Variants in DYM observed in about 807,000 individuals in gnomAD.
DYM encodes the protein dymeclin.
DYM carries 78 observed loss-of-function variants against 93.1 expected under a neutral mutation model. That is an observed-to-expected ratio of 0.84 (90% CI 0.70 to 1.01). The LOEUF is 1.01. Among genes scored for constraint, DYM ranks in the 50% least tolerant of loss-of-function variants. DYM has a pLI of 0.00. For missense variants in DYM, 789 were observed against 845.0 expected (o/e 0.93, Z 0.82); for synonymous variants, 321 against 319.7 (o/e 1.00, Z -0.04).
intron 1 of DYM, among the ~76,000 whole-genome samples, chr18:49,453,747 C>G (rs74987443): frequency 1.3e-5 from 2 of 152,094 alleles, no homozygotes; most frequent in Non-Finnish European, 2.9e-5. Flanking sequence ...AAAGGAAGCA[C>G]GAAAGTTTTA....
At chr18:49,296,440 A>G (rs1179586494) in intron 8 of DYM, among the ~76,000 whole-genome samples, 1 of 152,204 alleles carries the variant, frequency 6.6e-6, no homozygotes, top group Non-Finnish European at 1.5e-5. Flanking sequence ...AGCAAAGTAC[A>G]AAAAACTGGA....
chr18:49,087,552 T>G (rs2078657008), intron 17 of DYM, among the ~76,000 whole-genome samples: 1 of 152,214 alleles, frequency 6.6e-6, no homozygotes, highest in African/African-American at 2.4e-5. Flanking sequence ...ATTAAGCCAT[T>G]GTATGTTTAC....
intron 10 of DYM, among the ~76,000 whole-genome samples, chr18:49,280,577 T>C (rs554148411): frequency 6.6e-6 from 1 of 152,230 alleles, no homozygotes; most frequent in African/African-American, 2.4e-5. Flanking sequence ...CGTGTGGCTG[T>C]TAAAGACTAT....
intron 14 of DYM, among the ~76,000 whole-genome samples, chr18:49,196,738 C>T (rs557028941): frequency 6.6e-6 from 1 of 152,024 alleles, no homozygotes; most frequent in Non-Finnish European, 1.5e-5. Flanking sequence ...AATGTAGCAT[C>T]CTAAGGGCAA....
chr18:49,183,943 G>C (rs1177490330), intron 14 of DYM, among the ~76,000 whole-genome samples: 1 of 152,190 alleles, frequency 6.6e-6, no homozygotes, highest in African/African-American at 2.4e-5. Context: ...AACACGCAGT[G>C]AGAAGGCAGC....
chr18:49,333,794 C>T lies in DYM; in HGVS notation c.554G>A (p.Cys185Tyr). 1 of 1,613,584 alleles carries T rather than the reference C, an allele frequency of 6.2e-7. No homozygotes were observed. The highest frequency in any genetic ancestry group is 2.2e-5 in the East Asian group (1 of 44,866). ...CAAAACTTCTTTGTGGAAGAGTTGG[C>T]AGGAAAGGAAAACAACCATTGTTGA... ...AISTMVVFLS[C>Y]QLFHKEVLRQ... The change falls in exon 7 of 18, where the codon TGC becomes TAC. Residue 185 changes from cysteine to tyrosine, a missense_variant. Coordinates refer to ENST00000675505, the MANE Select transcript of DYM (RefSeq NM_001353214.3).
chr18:49,147,636 C>T (rs1422158174), intron 15 of DYM, among the ~76,000 whole-genome samples: 2 of 151,986 alleles, frequency 1.3e-5, no homozygotes, highest in African/African-American at 4.8e-5. Context: ...ATCAAAACCA[C>T]AATGAGATAC....
intron 17 of DYM, among the ~76,000 whole-genome samples, chr18:49,097,016 AAC>A (rs1568413422): frequency 6.6e-6 from 1 of 152,186 alleles, no homozygotes; most frequent in Non-Finnish European, 1.5e-5. Context: ...AGCTTGATAT[AAC>A]ACATTTAGAA....
In DYM at chr18:49,172,100, A is replaced by G. The variant is rs147138370; in HGVS notation, c.1626-8313T>C. Among the ~76,000 whole-genome samples the G allele has an allele frequency of 2.1e-4, 32 of 152,202 alleles. No individual in the cohort carries two copies. The East Asian group carries it at 6.0e-3, about 28-fold the overall frequency. On this transcript the variant is annotated intron_variant, in intron 14 of 17. Coordinates refer to ENST00000675505, the MANE Select transcript of DYM (RefSeq NM_001353214.3). ...TCCTGTCACTGTAGTTGCCTTTTCT[A>G]AAATTTTCTGCAAATAGAATTATAC...
chr18:49,367,212 AAACAATGAATAAATAT>A (rs1234820112), intron 5 of DYM, among the ~76,000 whole-genome samples: 4 of 152,198 alleles, frequency 2.6e-5, no homozygotes, highest in Admixed American at 2.6e-4. Context: ...AAATAATCTA[AAACAATGAATAAATAT>A]AAGCTATTAT....
rs72415237 is a variant in DYM at position 49,292,592 on chromosome 18, GAAAAAAAAAA to G, written c.764-5986_764-5977del. On this transcript the variant is annotated intron_variant, in intron 8 of 17. Transcript: ENST00000675505. ...TTAGTGGAATTGCATTTTCCTGTTG[GAAAAAAAAAA>G]AAAAAAAAAAAAAAAAAAAAAAACC... Among the ~76,000 whole-genome samples, 172 of 78,790 alleles carry G rather than the reference GAAAAAAAAAA, an allele frequency of 2.2e-3. 2 individuals are homozygous for G. Among genetic ancestry groups the G allele is most frequent in the Middle Eastern group, 7.6e-3 (1 of 132 alleles). 51.7% of individuals were successfully genotyped at this position (78,790 alleles called of 152,430 possible).
At chr18:49,202,823 G>A (rs1600604343) in intron 14 of DYM, among the ~76,000 whole-genome samples, 1 of 67,970 alleles carries the variant, frequency 1.5e-5, no homozygotes, top group African/African-American at 5.0e-5. Flanking sequence ...GAAGTGAGGA[G>A]CCTCTCCGCC....
At chr18:49,309,572 C>A (rs960750231) in intron 8 of DYM, among the ~76,000 whole-genome samples, 7 of 152,080 alleles carry the variant, frequency 4.6e-5, no homozygotes, top group Admixed American at 3.3e-4. Flanking sequence ...GAAGCTGAGG[C>A]TGCAGTGAGC....
chr18:49,111,071 T>C (rs1282062149), intron 16 of DYM, among the ~76,000 whole-genome samples: 1 of 152,190 alleles, frequency 6.6e-6, no homozygotes, highest in African/African-American at 2.4e-5. Context: ...TCTGGAACTG[T>C]TTATATATGT....
chr18:49,429,042 C>G (rs779977762), intron 2 of DYM, among the ~76,000 whole-genome samples: 28 of 152,188 alleles, frequency 1.8e-4, no homozygotes, highest in Non-Finnish European at 2.8e-4. Flanking sequence ...TCCAAAGGCT[C>G]TAGAGGGAAA....
intron 2 of DYM, among the ~76,000 whole-genome samples, chr18:49,424,296 C>A (rs952955494): frequency 1.5e-4 from 23 of 152,052 alleles, no homozygotes; most frequent in African/African-American, 5.6e-4. Context: ...AGGACAAAAA[C>A]CACATAATTA....
intron 13 of DYM, among the ~76,000 whole-genome samples, chr18:49,230,594 C>T (rs752620889): frequency 4.6e-5 from 7 of 152,134 alleles, no homozygotes; most frequent in Non-Finnish European, 8.8e-5. Context: ...AATACTACAG[C>T]AATGGTTCAT....
At chr18:49,099,600 C>T (rs977943907) in intron 16 of DYM, among the ~76,000 whole-genome samples, 2 of 151,856 alleles carry the variant, frequency 1.3e-5, no homozygotes, top group African/African-American at 2.4e-5. Flanking sequence ...AAGATAAAAT[C>T]AATTAGATTA....
At chr18:49,312,044 C>G (rs531159747) in intron 8 of DYM, among the ~76,000 whole-genome samples, 2 of 152,178 alleles carry the variant, frequency 1.3e-5, no homozygotes, top group Admixed American at 6.5e-5. Flanking sequence ...CCATCTTTAT[C>G]TCTAGGAAAG....
Sources: allele counts gnomAD v4.1 joint callset (sites outside exome capture counted in the v4.1 genomes callset), GRCh38; gene constraint gnomAD v4.1.1; transcripts MANE v1.5; gene names NCBI Gene and HGNC (gene_info 2026-07-23, HGNC 2026-07-21).